The following XPO1 variants were observed in gnomAD, a reference collection of about 807,000 sequenced individuals.
XPO1 encodes exportin 1.
XPO1 carries 5 observed loss-of-function variants against 133.3 expected under a neutral mutation model. The ratio of observed to expected loss-of-function variants is 0.04; its 90% confidence interval spans 0.02 to 0.08. The LOEUF is 0.08. Ranked by LOEUF, XPO1 falls within the 10% of genes least tolerant of loss-of-function variation. XPO1 has a pLI of 1.00. For synonymous variants in XPO1, 419 were observed against 408.2 expected (o/e 1.03, Z -0.32); for missense variants, 506 against 1,267.5 (o/e 0.40, Z 9.12).
rs746788477 is a variant in XPO1 at position 61,478,783 on chromosome 2, C to T, written c.*37G>A. ...CCCACATGCTGTTTTCCTCTGCTAA[C>T]GAGTTGCAGAGAAAAAAAACAGCAT... On this transcript the variant is annotated 3_prime_UTR_variant, in exon 25 of 25. Transcript: ENST00000401558. 5.6e-6 allele frequency: 9 copies of T among 1,603,364 alleles called. No individual in the cohort carries two copies. The Admixed American group carries it at 8.5e-5, about 15-fold the overall frequency.
chr2:61,484,393 G>A (rs1696567279), intron 20 of XPO1: 1 of 289,876 alleles, frequency 3.4e-6, no homozygotes, highest in Non-Finnish European at 6.4e-6. Context: ...TATCACTTTT[G>A]TTTTTAATTT....
At chr2:61,508,785 T>C (rs1477839074) in intron 4 of XPO1, among the ~76,000 whole-genome samples, 1 of 152,202 alleles carries the variant, frequency 6.6e-6, no homozygotes, top group Non-Finnish European at 1.5e-5. Flanking sequence ...CATAGAGTTG[T>C]ACATCAGCAT....
rs530850027 is a variant in XPO1, at chr2:61,522,499, C to T, written c.301+112G>A. ...TGCTTCATGATAAAAGCAATAAGCT[C>T]CATTAGAGCAAAATATACTAAAGAT... On this transcript the variant is annotated intron_variant, in intron 4 of 24. Coordinates refer to ENST00000401558, the MANE Select transcript of XPO1 (RefSeq NM_003400.4). 6.7e-4 allele frequency: 618 copies of T among 921,640 alleles called. 3 individuals are homozygous for T. The highest frequency in any genetic ancestry group is 1.5e-4 in the Non-Finnish European group (88 of 597,664). 57.1% of individuals were successfully genotyped at this position (921,640 alleles called of 1,614,324 possible). A position where few individuals can be genotyped will look rare whatever the true frequency, so the allele number is the denominator to read the frequency against.
rs189533879 is a variant in XPO1 at position 61,490,422 on chromosome 2, C to T, written c.2022+220G>A. 2.0e-5 allele frequency among the ~76,000 whole-genome samples: 3 copies of T among 151,332 alleles called. No homozygotes were observed. In the East Asian group the frequency reaches 5.9e-4, roughly 30 times the overall value. ...CCATGTTGGCCAGGCTGATCTCGAA[C>T]TTCTGGCCTCAGGTGATCCGCCCGC... On this transcript the variant is annotated intron_variant, in intron 17 of 24. Coordinates refer to ENST00000401558, the MANE Select transcript of XPO1 (RefSeq NM_003400.4).
chr2:61,494,279 CTTCA>C (rs1697132748), intron 11 of XPO1, 188 bp from the exon 12 acceptor site: 2 of 523,550 alleles, frequency 3.8e-6, no homozygotes, highest in Non-Finnish European at 6.7e-6. Flanking sequence ...CCCTAAAGCA[CTTCA>C]AAAATCTCTC....
chr2:61,493,822 A>G, intron 12 of XPO1, 72 bp downstream of exon 12: 1 of 1,474,484 alleles, frequency 6.8e-7, no homozygotes, highest in South Asian at 1.2e-5. Context: ...TACACAGATT[A>G]GAAGTATTTG....
chr2:61,533,938 C>A (rs772477212), intron 1 of XPO1, 35 bp from the exon 2 acceptor site: 1 of 1,465,056 alleles, frequency 6.8e-7, no homozygotes, highest in South Asian at 1.5e-5. Flanking sequence ...AGCTGCCTAT[C>A]AAGTTTTGGT....
chr2:61,485,638 T>C (rs1385355417), intron 20 of XPO1, 130 bp downstream of exon 20: 7 of 862,058 alleles, frequency 8.1e-6, no homozygotes, highest in Non-Finnish European at 1.2e-5. Flanking sequence ...AGTATTTCCC[T>C]AATATACAAG....
chr2:61,524,725 T>C (rs1458625986), intron 3 of XPO1, among the ~76,000 whole-genome samples: 1 of 152,212 alleles, frequency 6.6e-6, no homozygotes, highest in Non-Finnish European at 1.5e-5. Flanking sequence ...AAGATCAGCC[T>C]GAGCAACACA....
intron 19 of XPO1, 74 bp from the exon 20 acceptor site, chr2:61,486,036 C>T: frequency 7.4e-7 from 1 of 1,353,144 alleles, no homozygotes; most frequent in Non-Finnish European, 1.0e-6. Flanking sequence ...AAGGTTATTC[C>T]TGTCTATGAG....
rs1274087163 is a variant in XPO1 at position 61,498,528 on chromosome 2, T to C, written c.759+145A>G. The C allele has an allele frequency of 2.9e-5, 28 of 964,392 alleles. No individual in the cohort carries two copies. The Admixed American group carries it at 8.7e-4, about 30-fold the overall frequency. 59.7% of individuals were successfully genotyped at this position (964,392 alleles called of 1,614,324 possible). A position where few individuals can be genotyped will look rare whatever the true frequency, so the allele number is the denominator to read the frequency against. ...CTCACTTTAAATAATTTACTAGGTG[T>C]GAATATGGGAAATTTCTCCTGAGCA... On this transcript the variant is annotated intron_variant, in intron 9 of 24. Coordinates refer to ENST00000401558, the MANE Select transcript of XPO1 (RefSeq NM_003400.4).
intron 2 of XPO1, among the ~76,000 whole-genome samples, chr2:61,530,554 G>A (rs1471744096): frequency 6.6e-6 from 1 of 151,928 alleles, no homozygotes; most frequent in African/African-American, 2.4e-5. Flanking sequence ...CTTTTTTCTA[G>A]CTGTCTACTT....
chr2:61,494,977 G>A (rs1697173835), intron 11 of XPO1, among the ~76,000 whole-genome samples: 1 of 151,788 alleles, frequency 6.6e-6, no homozygotes, highest in East Asian at 1.9e-4. Context: ...GAGGAGCTGG[G>A]ATTACAGTCA....
chr2:61,497,187 A>G (rs1314231984), intron 9 of XPO1, among the ~76,000 whole-genome samples, 180 bp from the exon 10 acceptor site: 1 of 152,158 alleles, frequency 6.6e-6, no homozygotes, highest in Non-Finnish European at 1.5e-5. Flanking sequence ...TTTATTGCCT[A>G]CCTAGTATAC....
At chr2:61,515,961 A>T (rs1187137953) in intron 4 of XPO1, among the ~76,000 whole-genome samples, 2 of 147,882 alleles carry the variant, frequency 1.4e-5, no homozygotes, top group Non-Finnish European at 3.0e-5. Context: ...ACACACACAC[A>T]CACACACACA....
intron 17 of XPO1, among the ~76,000 whole-genome samples, chr2:61,489,682 G>A (rs1696874061): frequency 6.6e-6 from 1 of 151,204 alleles, no homozygotes; most frequent in Non-Finnish European, 1.5e-5. Flanking sequence ...AGCCTCCTGA[G>A]TAGCTGGGAC....
At chr2:61,486,025 C>T in intron 19 of XPO1, 63 bp from the exon 20 acceptor site, 3 of 1,414,764 alleles carry the variant, frequency 2.1e-6, no homozygotes. Context: ...TTTTAAACAA[C>T]AAGGTTATTC....
intron 17 of XPO1, 27 bp from the exon 18 acceptor site, chr2:61,488,798 TTATCA>T: frequency 6.2e-7 from 1 of 1,610,012 alleles, no homozygotes; most frequent in Non-Finnish European, 8.5e-7. Flanking sequence ...CAAATTCCAT[TTATCA>T]TATAAGAATT....
chr2:61,482,573 T>G (rs770238237), intron 22 of XPO1, 34 bp from the exon 23 acceptor site: 2 of 1,528,460 alleles, frequency 1.3e-6, no homozygotes, highest in Admixed American at 2.1e-5. Flanking sequence ...AACTCCAAAA[T>G]GTAATATAAC....
Sources: gnomAD v4.1 joint callset for allele counts (sites outside exome capture counted in the v4.1 genomes callset) on GRCh38, gnomAD v4.1.1 for gene constraint, MANE v1.5 for transcripts, NCBI Gene and HGNC (gene_info 2026-07-23, HGNC 2026-07-21) for gene names.